The following KLHL15 variants were observed in gnomAD, a reference collection of about 807,000 sequenced individuals.
KLHL15 encodes the protein kelch-like protein 15.
KLHL15 carries 1 observed loss-of-function variant against 29.3 expected under a neutral mutation model. The observed-to-expected ratio is 0.03, with a 90% CI of 0.01 to 0.16. The LOEUF (loss-of-function observed/expected upper bound fraction) is 0.16, where lower values mean the gene tolerates loss of function less well. Ranked by LOEUF, KLHL15 falls within the 10% of genes least tolerant of loss-of-function variation. The pLI, the probability that KLHL15 is intolerant of heterozygous loss-of-function variation, is 1.00. For synonymous variants in KLHL15, 212 were observed against 184.5 expected, an observed-to-expected ratio of 1.15 and a Z score of -1.21; for missense variants, 215 against 478.5, an observed-to-expected ratio of 0.45 and a Z score of 5.14.
At chrX:23,995,916 T>G (rs1180040030) in intron 3 of KLHL15, among the ~76,000 whole-genome samples, 1 of 110,606 alleles carries the variant, frequency 9.0e-6, no homozygotes, top group Non-Finnish European at 1.9e-5. Flanking sequence ...CCCGGCTAAT[T>G]TTTTGTATTT....
intron 2 of KLHL15, among the ~76,000 whole-genome samples, chrX:24,017,099 C>A (rs5970620): frequency 0.16 from 17,712 of 108,088 alleles, 1,386 homozygotes; most frequent in South Asian, 0.52. Context: ...GTAGTCTCAG[C>A]TACTTGGGAG....
intron 1 of KLHL15, among the ~76,000 whole-genome samples, chrX:24,026,815 T>TA (rs894875576): frequency 1.8e-5 from 2 of 111,764 alleles, no homozygotes; most frequent in African/African-American, 3.3e-5. Context: ...TAACAAGCTT[T>TA]AAAAAAACTG....
At chrX:24,002,146 T>C (rs1453908725) in intron 3 of KLHL15, among the ~76,000 whole-genome samples, 2 of 109,595 alleles carry the variant, frequency 1.8e-5, no homozygotes, top group East Asian at 5.7e-4. Context: ...AGAAAATGAA[T>C]AAATAAATAA....
At chrX:24,022,814 G>T (rs1929840375) in intron 2 of KLHL15, among the ~76,000 whole-genome samples, 1 of 107,381 alleles carries the variant, frequency 9.3e-6, no homozygotes, top group South Asian at 4.2e-4. Flanking sequence ...CTGCCTACCG[G>T]GTTCAAGCGA....
At chrX:24,009,521 A>C (rs1408566635) in intron 2 of KLHL15, among the ~76,000 whole-genome samples, 10 of 106,830 alleles carry the variant, frequency 9.4e-5, no homozygotes, top group Non-Finnish European at 1.2e-4. Context: ...ATAAAATACA[A>C]AACAAATACA....
chrX:24,016,744 T>C (rs1238812763), intron 2 of KLHL15, among the ~76,000 whole-genome samples: 1 of 111,705 alleles, frequency 9.0e-6, no homozygotes, highest in African/African-American at 3.3e-5. Context: ...TTAATGGATG[T>C]AAAGCACTTA....
At chrX:24,001,951 G>C (rs1929331935) in intron 3 of KLHL15, among the ~76,000 whole-genome samples, 1 of 107,506 alleles carries the variant, frequency 9.3e-6, no homozygotes, top group Non-Finnish European at 1.9e-5. Context: ...GGCTAACACA[G>C]TGAAACCCCG....
chrX:24,006,575 T>C lies in KLHL15; in HGVS notation c.119A>G (p.His40Arg). The stretch of plus-strand genomic sequence containing the variant: ...GAGTGCTTTATGGGCCTGGAACTGA[T>C]GATCTTCAATAACCAGAGTGACATC... ...LLDVTLVIED[H>R]QFQAHKALLA... Residue 40 changes from histidine (H) to arginine (R), a missense_variant, in exon 3 of 4, where the codon CAT (histidine) becomes CGT (arginine). By Grantham distance (29) the His-to-Arg change is conservative (BLOSUM62 0). Transcript: ENST00000328046. The C allele has an allele frequency of 8.3e-7, 1 of 1,211,189 alleles. No homozygotes were observed. The highest frequency in any genetic ancestry group is 1.1e-6 in the Non-Finnish European group (1 of 895,171).
chrX:24,009,741 A>G (rs1270743688), intron 2 of KLHL15, among the ~76,000 whole-genome samples: 1 of 104,718 alleles, frequency 9.5e-6, no homozygotes, highest in African/African-American at 3.5e-5. Flanking sequence ...CGTAATTCCA[A>G]CACTTTGGGA....
At chrX:23,996,441 G>A (rs758311513) in intron 3 of KLHL15, among the ~76,000 whole-genome samples, 1 of 111,849 alleles carries the variant, frequency 8.9e-6, no homozygotes, top group East Asian at 2.8e-4. Context: ...CAGGCGAGCG[G>A]ATCATGAGGT....
intron 3 of KLHL15, among the ~76,000 whole-genome samples, chrX:23,999,081 G>A (rs1057083248): frequency 1.8e-5 from 2 of 109,109 alleles, no homozygotes; most frequent in Non-Finnish European, 3.8e-5. Context: ...AAATTTATTT[G>A]TATTTTTAGT....
At chrX:23,995,459 G>C (rs1221006288) in intron 3 of KLHL15, among the ~76,000 whole-genome samples, 1 of 87,080 alleles carries the variant, frequency 1.1e-5, no homozygotes, top group African/African-American at 5.2e-5. Context: ...ATTCTAGACT[G>C]TAGCCAGTTA....
intron 3 of KLHL15, among the ~76,000 whole-genome samples, chrX:24,003,641 A>C: frequency 1.3e-5 from 1 of 77,509 alleles, no homozygotes; most frequent in Non-Finnish European, 2.2e-5. Context: ...GACCTAGCAT[A>C]AATATATGTG....
intron 2 of KLHL15, among the ~76,000 whole-genome samples, chrX:24,016,103 C>A (rs747516290): frequency 9.2e-6 from 1 of 108,398 alleles, no homozygotes; most frequent in Non-Finnish European, 1.9e-5. Context: ...AATCTCAGCA[C>A]TTTGGGAGGC....
chrX:23,999,377 C>CTT, intron 3 of KLHL15, among the ~76,000 whole-genome samples: 1 of 108,871 alleles, frequency 9.2e-6, no homozygotes, highest in Non-Finnish European at 1.9e-5. Context: ...AGACGGATCA[C>CTT]GAGGTCAGGA....
intron 2 of KLHL15, among the ~76,000 whole-genome samples, chrX:24,024,328 G>A (rs1487976215): frequency 1.8e-5 from 2 of 111,747 alleles, no homozygotes; most frequent in Admixed American, 9.5e-5. Flanking sequence ...TCTACCAAAG[G>A]TTACTTAAAA....
chrX:24,024,484 CAG>C (rs1418508577), intron 2 of KLHL15, among the ~76,000 whole-genome samples: 5 of 111,711 alleles, frequency 4.5e-5, no homozygotes, highest in Admixed American at 1.9e-4. Context: ...GATTTTTTCT[CAG>C]AGTCACCCAA....
intron 2 of KLHL15, among the ~76,000 whole-genome samples, chrX:24,022,034 A>G (rs1252982427): frequency 9.0e-6 from 1 of 111,298 alleles, no homozygotes; most frequent in Non-Finnish European, 1.9e-5. Context: ...TCAGGGAAAA[A>G]TGTTGTTAAA....
At chrX:23,990,879 C>A (rs184635721) in intron 3 of KLHL15, among the ~76,000 whole-genome samples, 1 of 110,959 alleles carries the variant, frequency 9.0e-6, no homozygotes, top group East Asian at 2.8e-4. Context: ...CAAAAAACGT[C>A]ACAAATTTAA....
Sources: allele counts gnomAD v4.1 joint callset (sites outside exome capture counted in the v4.1 genomes callset), GRCh38; gene constraint gnomAD v4.1.1; transcripts MANE v1.5; gene names NCBI Gene and HGNC (gene_info 2026-07-23, HGNC 2026-07-21).